The following TP53BP2 variants were observed in gnomAD, a reference collection of about 807,000 sequenced individuals.
TP53BP2 encodes tumor protein p53 binding protein 2.
A neutral mutation model predicts 126.2 loss-of-function variants in TP53BP2; 62 were observed. That is an observed-to-expected ratio of 0.49 (90% CI 0.40 to 0.61). The LOEUF is 0.61. TP53BP2 is among the 20% of genes least tolerant of loss of function. The pLI, the probability that TP53BP2 is intolerant of heterozygous loss-of-function variation, is 0.00. For synonymous variants in TP53BP2, 485 were observed against 502.9 expected, an observed-to-expected ratio of 0.96 and a Z score of 0.48; for missense variants, 1,215 against 1,402.8, an observed-to-expected ratio of 0.87 and a Z score of 2.14.
rs1046498692 is a variant in TP53BP2, at chr1:223,831,181, G to A, written c.28-9814C>T. On this transcript the variant is annotated intron_variant, in intron 1 of 17. Transcript: ENST00000343537. ...GAGGATCACTTCAGGCCAGGAGCTAGAGGCCAGCCTGGGCAACACAGTAAG... is the reference window on the plus strand; with the variant it reads ...GAGGATCACTTCAGGCCAGGAGCTAAAGGCCAGCCTGGGCAACACAGTAAG... 5.4e-5 allele frequency among the ~76,000 whole-genome samples: 8 copies of A among 149,492 alleles called. 1 individual carries two copies. In the South Asian group the frequency reaches 1.7e-3, roughly 32 times the overall value.
In TP53BP2 at chr1:223,814,348, G is replaced by T. The variant is rs1663014316; in HGVS notation, c.181C>A (p.Pro61Thr). The change falls in exon 3 of 18, where the codon CCA becomes ACA. Residue 61 changes from proline (P) to threonine (T), a missense_variant. Pro to Thr is a conservative substitution (Grantham distance 38, BLOSUM62 -1). Around this residue, in one of 4 missense-constraint regions of TP53BP2, gnomAD observed 814 missense variants for 853.0 expected, o/e 0.95. Transcript: ENST00000343537. ...LAEVWCGSER[P>T]VADNERMFDV... Reference sequence around the variant, plus strand: ...AACATTCGCTCATTATCCGCAACTGGACGTTCTAAAGCAAATGAGTAGAAA... The same window carrying T: ...AACATTCGCTCATTATCCGCAACTGTACGTTCTAAAGCAAATGAGTAGAAA... The T allele has an allele frequency of 6.2e-7, 1 of 1,611,512 alleles. No homozygotes were observed. Among genetic ancestry groups the T allele is most frequent in the East Asian group, 2.2e-5 (1 of 44,838 alleles).
intron 13 of TP53BP2, 53 bp downstream of exon 13, chr1:223,795,762 T>G: frequency 7.3e-7 from 1 of 1,374,880 alleles, no homozygotes; most frequent in Non-Finnish European, 9.5e-7. Context: ...ACCAAGAAAA[T>G]CGTAACAAAG....
intron 1 of TP53BP2, chr1:223,845,251 A>G: frequency 2.0e-6 from 2 of 985,278 alleles, no homozygotes; most frequent in Non-Finnish European, 2.4e-6. Context: ...CCAGTAACGT[A>G]TGTTTCACTC....
rs559957434 is a variant in TP53BP2, at chr1:223,795,864, G to A, written c.2675C>T (p.Ser892Leu). The part of the protein sequence containing the change: ...SGEPEGPGED[S>L]VSMRPPEITG... ...GATTTCAGGCGGGCGCATGCTCACC[G>A]AGTCTTCTCCGGGCCCTTCAGGCTC... The change falls in exon 13 of 18, where the codon TCG becomes TTG. Residue 892 changes from serine to leucine, a missense_variant. Physicochemically the swap from Ser to Leu is moderately radical, Grantham distance 145 (BLOSUM62 -2). This residue lies in a region of TP53BP2 where 204 missense variants were observed against 225.7 expected (regional missense o/e 0.90). Coordinates refer to ENST00000343537, the MANE Select transcript of TP53BP2 (RefSeq NM_001031685.3). 4.7e-5 allele frequency: 74 copies of A among 1,590,414 alleles called. No individual in the cohort carries two copies. Among genetic ancestry groups the A allele is most frequent in the South Asian group, 4.2e-4 (37 of 88,860 alleles).
At chr1:223,828,195 T>TA (rs1383216365) in intron 1 of TP53BP2, among the ~76,000 whole-genome samples, 1 of 152,160 alleles carries the variant, frequency 6.6e-6, no homozygotes, top group East Asian at 1.9e-4. Flanking sequence ...AGGCAATGAA[T>TA]AAAAAATGAA....
In TP53BP2 at chr1:223,840,169, G is replaced by A. The variant is rs10915855; in HGVS notation, c.27+5485C>T. On this transcript the variant is annotated intron_variant, in intron 1 of 17. Coordinates refer to ENST00000343537, the MANE Select transcript of TP53BP2 (RefSeq NM_001031685.3). ...TTATTTTAGTAAGACGGTATGCAAAGTGTTTTAAGAAATCACTGACTACTT... is the reference window on the plus strand; with the variant it reads ...TTATTTTAGTAAGACGGTATGCAAAATGTTTTAAGAAATCACTGACTACTT... 9.7e-3 allele frequency among the ~76,000 whole-genome samples: 1,472 copies of A among 152,238 alleles called. 26 individuals are homozygous for A. Among genetic ancestry groups the A allele is most frequent in the African/African-American group, 0.034 (1,408 of 41,534 alleles).
intron 1 of TP53BP2, among the ~76,000 whole-genome samples, chr1:223,834,083 G>GA (rs1371557226): frequency 4.6e-5 from 7 of 152,214 alleles, no homozygotes; most frequent in Admixed American, 3.9e-4. Flanking sequence ...TCCATGACCA[G>GA]AAAAAAACGC....
rs965640086 is a variant in TP53BP2 at position 223,796,637 on chromosome 1, C to T, written c.1949-47G>A. 3 of 1,504,660 alleles carry T rather than the reference C, an allele frequency of 2.0e-6. No individual in the cohort carries two copies. In the African/African-American group the frequency reaches 4.2e-5, roughly 21 times the overall value. The allele number at this position is 1,504,660 out of a possible 1,614,324, so 93.2% of individuals were successfully genotyped here. A position where few individuals can be genotyped will look rare whatever the true frequency, so the allele number is the denominator to read the frequency against. On this transcript the variant is annotated intron_variant, in intron 12 of 17. Coordinates refer to ENST00000343537, the MANE Select transcript of TP53BP2 (RefSeq NM_001031685.3). This position sits in a 1 kb window ranked among gnomAD's most constrained non-coding sequence, Gnocchi z 4.2. Reference sequence around the variant, plus strand: ...AAAGCCCTCATTAGCATTAATTAAACAAAACTGGCAAGAAACAGAAACAGC... The same window carrying T: ...AAAGCCCTCATTAGCATTAATTAAATAAAACTGGCAAGAAACAGAAACAGC...
At chr1:223,792,174 T>TA (rs903140396) in intron 15 of TP53BP2, among the ~76,000 whole-genome samples, 19 of 152,210 alleles carry the variant, frequency 1.2e-4, no homozygotes, top group African/African-American at 4.3e-4. Context: ...CTAAACTTTT[T>TA]AAAACTCCAC....
At chr1:223,804,474 C>T (rs1228380255) in intron 5 of TP53BP2, 126 bp from the exon 6 acceptor site, 1 of 828,250 alleles carries the variant, frequency 1.2e-6, no homozygotes, top group Non-Finnish European at 1.9e-6. Context: ...CTGGTCTCAC[C>T]TTCTTCCTAA....
At position 223,802,987 on chromosome 1, in the gene TP53BP2, TA is replaced by T. The variant is rs961983168; in HGVS notation, c.832-93del. The T allele has an allele frequency of 3.6e-6, 5 of 1,398,336 alleles. No homozygotes were observed. The African/African-American group carries it at 5.8e-5, about 16-fold the overall frequency. 86.6% of individuals were successfully genotyped at this position (1,398,336 alleles called of 1,614,324 possible). A position where few individuals can be genotyped will look rare whatever the true frequency, so the allele number is the denominator to read the frequency against. ...ACATGGTTAACTATTATATAATTTC[TA>T]AAAATATGAGGTCCCTCCACCCCTC... On this transcript the variant is annotated intron_variant, in intron 7 of 17. Coordinates refer to ENST00000343537, the MANE Select transcript of TP53BP2 (RefSeq NM_001031685.3).
chr1:223,816,020 C>T (rs1332584252), intron 2 of TP53BP2, among the ~76,000 whole-genome samples: 2 of 152,240 alleles, frequency 1.3e-5, no homozygotes, highest in Non-Finnish European at 2.9e-5. Flanking sequence ...ATTATTGACA[C>T]ATGACTGTAT....
At chr1:223,814,073 ACAACTATAGT>A (rs1337827534) in intron 3 of TP53BP2, 157 bp downstream of exon 3, 1 of 569,806 alleles carries the variant, frequency 1.8e-6, no homozygotes, top group Admixed American at 3.2e-5. Flanking sequence ...CCTGCATTAA[ACAACTATAGT>A]CAAACTTCTC....
At chr1:223,784,612 A>G (rs1661886525) in intron 16 of TP53BP2, among the ~76,000 whole-genome samples, 1 of 152,182 alleles carries the variant, frequency 6.6e-6, no homozygotes, top group African/African-American at 2.4e-5. Flanking sequence ...AACTTTTGCA[A>G]GCTTAGGAAC....
At chr1:223,843,966 G>C (rs1664188697) in intron 1 of TP53BP2, among the ~76,000 whole-genome samples, 1 of 152,282 alleles carries the variant, frequency 6.6e-6, no homozygotes, top group African/African-American at 2.4e-5. Flanking sequence ...TTGCAAGCTA[G>C]ACACTGTACT....
chr1:223,785,305 TTC>T (rs1661913915), intron 16 of TP53BP2, among the ~76,000 whole-genome samples: 1 of 152,220 alleles, frequency 6.6e-6, no homozygotes, highest in Non-Finnish European at 1.5e-5. Flanking sequence ...CACAGTATAT[TTC>T]TCTCACTCTG....
Position 223,837,932 on chromosome 1 carries a change from G to A in TP53BP2, c.27+7722C>T, listed in dbSNP as rs1355130373. ...CACGAAGCCCTGCCCCGCCCCCGCCGCCCCTCTCCCCTTGCCCCAGCCTCC... is the reference window on the plus strand; with the variant it reads ...CACGAAGCCCTGCCCCGCCCCCGCCACCCCTCTCCCCTTGCCCCAGCCTCC... On this transcript the variant is annotated intron_variant, in intron 1 of 17. Transcript: ENST00000343537. Among the ~76,000 whole-genome samples the A allele has an allele frequency of 8.6e-5, 9 of 104,118 alleles. No individual in the cohort carries two copies. In the South Asian group the frequency reaches 1.9e-3, roughly 22 times the overall value. The allele number at this position is 104,118 out of a possible 152,430, so 68.3% of individuals were successfully genotyped here. A position where few individuals can be genotyped will look rare whatever the true frequency, so the allele number is the denominator to read the frequency against.
In TP53BP2 at chr1:223,800,050, A is replaced by G. The variant is rs1044161096; in HGVS notation, c.1337-3T>C. The G allele has an allele frequency of 1.8e-5, 28 of 1,593,574 alleles. No homozygotes were observed. Among genetic ancestry groups the G allele is most frequent in the Non-Finnish European group, 2.2e-5 (26 of 1,173,734 alleles). On this transcript the variant is annotated splice_region_variant and splice_polypyrimidine_tract_variant and intron_variant, in intron 10 of 17. Coordinates refer to ENST00000343537, the MANE Select transcript of TP53BP2 (RefSeq NM_001031685.3). ...CAGCGGAACCTCTCCATCATCAACT[A>G]AAGACAAAAAAATCACAATGACATT...
At chr1:223,818,556 C>T (rs1254377730) in intron 2 of TP53BP2, among the ~76,000 whole-genome samples, 4 of 149,864 alleles carry the variant, frequency 2.7e-5, no homozygotes, top group Non-Finnish European at 4.4e-5. Context: ...GAACACATAT[C>T]GGTGTTATCA....
Sources: allele counts gnomAD v4.1 joint callset (sites outside exome capture counted in the v4.1 genomes callset), GRCh38; gene constraint gnomAD v4.1.1; regional missense constraint gnomAD v4.1.1; non-coding constraint Gnocchi (gnomAD v3.1); transcripts MANE v1.5; gene names NCBI Gene and HGNC (gene_info 2026-07-23, HGNC 2026-07-21).